The following IQSEC1 variants were observed in gnomAD, a reference collection of about 807,000 sequenced individuals.
The protein encoded by IQSEC1 is IQ motif and SEC7 domain-containing protein 1.
Under a neutral mutation model 91.0 loss-of-function variants are expected in IQSEC1, and 31 were observed. The observed-to-expected ratio is 0.34, with a 90% confidence interval of 0.26 to 0.46. The LOEUF is 0.46. Ranked by LOEUF, IQSEC1 falls within the 20% of genes least tolerant of loss-of-function variation. The pLI is 1.00. For synonymous variants in IQSEC1, 699 were observed against 662.6 expected (o/e 1.05, Z -0.84); for missense variants, 1,388 against 1,575.6 (o/e 0.88, Z 2.02).
In IQSEC1 at chr3:12,909,709, A is replaced by C. The variant is rs1695383540; in HGVS notation, c.2417-275T>G. Among the ~76,000 whole-genome samples the C allele has an allele frequency of 6.6e-6, 1 of 152,222 alleles. No individual in the cohort carries two copies. Among genetic ancestry groups the C allele is most frequent in the African/African-American group, 2.4e-5 (1 of 41,470 alleles). On this transcript the variant is annotated intron_variant, in intron 10 of 13. Coordinates refer to ENST00000613206, the MANE Select transcript of IQSEC1 (RefSeq NM_001134382.3). This position sits in a 1 kb window ranked among gnomAD's most constrained non-coding sequence, Gnocchi z 4.9. ...GGGGCCGCGTCCTGGAGGAGGACAG[A>C]GGTTGCGTCCTGAGAAAGGTGGGAG...
chr3:13,276,620 A>C (rs1695686797), intron 1 of IQSEC1, among the ~76,000 whole-genome samples: 1 of 152,188 alleles, frequency 6.6e-6, no homozygotes, highest in Non-Finnish European at 1.5e-5. Flanking sequence ...GGACAGGGCT[A>C]ACTGTCCAGG....
chr3:13,113,325 C>T (rs1046049182), intron 2 of IQSEC1, among the ~76,000 whole-genome samples: 2 of 152,236 alleles, frequency 1.3e-5, no homozygotes, highest in African/African-American at 2.4e-5. Context: ...CAGGTAAACA[C>T]ATAGGCCCTG....
intron 1 of IQSEC1, among the ~76,000 whole-genome samples, chr3:13,227,956 C>T (rs554156542): frequency 6.6e-5 from 10 of 152,282 alleles, no homozygotes; most frequent in African/African-American, 2.4e-4. Flanking sequence ...GACCCCCCAC[C>T]ATCCCCAGCA....
In IQSEC1 at chr3:13,103,632, T is replaced by C. The variant is rs1706099658; in HGVS notation, c.303-56110A>G. On this transcript the variant is annotated intron_variant, in intron 2 of 15. Transcript: ENST00000648114. The surrounding 1 kb of genome is among the most constrained non-coding windows in gnomAD (Gnocchi z 4.1). Reference sequence around the variant, plus strand: ...GGGGTGGGCAATTTGCAGGATGAGCTTCACATGCAGCACGCACTGGGGGTC... The same window carrying C: ...GGGGTGGGCAATTTGCAGGATGAGCCTCACATGCAGCACGCACTGGGGGTC... 6.6e-6 allele frequency among the ~76,000 whole-genome samples: 1 copy of C among 152,074 alleles called. No homozygotes were observed. Among genetic ancestry groups the C allele is most frequent in the African/African-American group, 2.4e-5 (1 of 41,414 alleles).
intron 1 of IQSEC1, among the ~76,000 whole-genome samples, chr3:13,221,282 G>A (rs1427499922): frequency 6.6e-6 from 1 of 152,186 alleles, no homozygotes; most frequent in Non-Finnish European, 1.5e-5. Context: ...CCTGCTCTGG[G>A]GGCAGCTGCC....
chr3:13,173,810 G>C (rs1000318249), intron 1 of IQSEC1, among the ~76,000 whole-genome samples: 2 of 152,208 alleles, frequency 1.3e-5, no homozygotes, highest in Non-Finnish European at 2.9e-5. Flanking sequence ...GGCACCCACA[G>C]CATCAGCATC....
chr3:12,936,299 G>A lies in IQSEC1; in HGVS notation c.717C>T (p.Ser239=). ...FSRQVKSLAE[S]IDDALNCRSL... ...TGCGGCAGTTGAGGGCATCGTCGAT[G>A]GACTCGGCCAGTGATTTCACTTGCC... Residue 239 remains serine (S), a synonymous_variant, in exon 3 of 14, where the codon TCC becomes TCT. Transcript: ENST00000613206. 1 of 1,612,936 alleles carries A rather than the reference G, an allele frequency of 6.2e-7. No homozygotes were observed. The highest frequency in any genetic ancestry group is 8.5e-7 in the Non-Finnish European group (1 of 1,179,666).
intron 2 of IQSEC1, among the ~76,000 whole-genome samples, chr3:13,145,804 C>CA (rs1346070836): frequency 3.8e-5 from 2 of 53,070 alleles, no homozygotes; most frequent in African/African-American, 7.2e-5. Context: ...CGCCCGGGGG[C>CA]GGGGGGGGGG....
At chr3:13,181,249 C>T (rs918117935) in intron 1 of IQSEC1, among the ~76,000 whole-genome samples, 20 of 152,240 alleles carry the variant, frequency 1.3e-4, no homozygotes, top group South Asian at 8.3e-4. Flanking sequence ...CCAGACTGGG[C>T]GACAGAGCGA....
chr3:12,996,761 TG>T (rs1383096893), intron 1 of IQSEC1, among the ~76,000 whole-genome samples: 1 of 152,220 alleles, frequency 6.6e-6, no homozygotes, highest in Non-Finnish European at 1.5e-5. Flanking sequence ...GCAAAGGATA[TG>T]AACAAGCAGC....
intron 1 of IQSEC1, among the ~76,000 whole-genome samples, chr3:13,225,694 T>A (rs1694740783): frequency 6.6e-6 from 1 of 152,012 alleles, no homozygotes; most frequent in African/African-American, 2.4e-5. Context: ...CATAAATAGA[T>A]CACTTCTAAG....
intron 1 of IQSEC1, among the ~76,000 whole-genome samples, chr3:13,249,517 GT>G (rs1576310197): frequency 6.6e-6 from 1 of 152,104 alleles, no homozygotes; most frequent in East Asian, 1.9e-4. Context: ...ACTGAAGAGA[GT>G]TTATTCTATT....
chr3:13,000,062 A>G (rs1208517153), intron 1 of IQSEC1, among the ~76,000 whole-genome samples: 1 of 152,194 alleles, frequency 6.6e-6, no homozygotes, highest in Non-Finnish European at 1.5e-5. Context: ...GTACTATTTC[A>G]TATCATTGTG....
chr3:12,926,122 A>C (rs1427040356), intron 3 of IQSEC1, among the ~76,000 whole-genome samples: 3 of 152,022 alleles, frequency 2.0e-5, no homozygotes, highest in African/African-American at 4.8e-5. Flanking sequence ...ACCAGCCTGG[A>C]CAACATGGTG....
chr3:13,031,785 G>C (rs1656229699), intron 1 of IQSEC1, among the ~76,000 whole-genome samples: 1 of 152,144 alleles, frequency 6.6e-6, no homozygotes, highest in African/African-American at 2.4e-5. Flanking sequence ...GGTGAGGAGA[G>C]GGCGGTGCTA....
chr3:12,903,874 G>A (rs944003905), intron 12 of IQSEC1, among the ~76,000 whole-genome samples: 4 of 152,358 alleles, frequency 2.6e-5, no homozygotes, highest in Non-Finnish European at 2.9e-5. Context: ...AGGCGCCACT[G>A]TGTCCATATC....
At chr3:13,055,868 G>GTGGTGCAGGGTCCAGGCCCGGGT (rs1704860719) in intron 1 of IQSEC1, among the ~76,000 whole-genome samples, 2 of 152,138 alleles carry the variant, frequency 1.3e-5, no homozygotes, top group Non-Finnish European at 2.9e-5. Context: ...CAGGCCCGGG[G>GTGGTGCAGGGTCCAGGCCCGGGT]TGGGGCAGGC....
At chr3:13,176,707 G>A (rs547755205) in intron 1 of IQSEC1, among the ~76,000 whole-genome samples, 15 of 152,312 alleles carry the variant, frequency 9.8e-5, no homozygotes, top group South Asian at 6.2e-4. Flanking sequence ...GGCAAGGGAC[G>A]ACCGGAAACC....
intron 1 of IQSEC1, among the ~76,000 whole-genome samples, chr3:13,234,089 C>A (rs1235515496): frequency 6.6e-6 from 1 of 152,242 alleles, no homozygotes; most frequent in African/African-American, 2.4e-5. Context: ...CTCTCCAATG[C>A]TGGGTTTGTC....
Sources: allele counts gnomAD v4.1 joint callset (sites outside exome capture counted in the v4.1 genomes callset), GRCh38; gene constraint gnomAD v4.1.1; non-coding constraint Gnocchi (gnomAD v3.1); transcripts MANE v1.5; gene names NCBI Gene and HGNC (gene_info 2026-07-23, HGNC 2026-07-21).